FGGY: variants seen among roughly 807,000 people sequenced by gnomAD.
FGGY encodes FGGY carbohydrate kinase domain containing.
In FGGY, 72 loss-of-function variants were observed where a neutral mutation model predicts 71.3. That is an observed-to-expected ratio of 1.01 (90% CI 0.84 to 1.23). The LOEUF is 1.23. FGGY is among the 50% of genes most tolerant of loss of function. The pLI, the probability that FGGY is intolerant of heterozygous loss-of-function variation, is 0.00. For synonymous variants in FGGY, 251 were observed against 250.3 expected (o/e 1.00, Z -0.02); for missense variants, 668 against 682.3 (o/e 0.98, Z 0.23).
intron 14 of FGGY, among the ~76,000 whole-genome samples, chr1:59,716,731 G>A (rs2097848630): frequency 6.6e-6 from 1 of 152,288 alleles, no homozygotes; most frequent in African/African-American, 2.4e-5. Flanking sequence ...GGACAGGGGA[G>A]GGGAGGGCTC....
intron 14 of FGGY, among the ~76,000 whole-genome samples, chr1:59,690,525 T>G (rs927971356): frequency 1.3e-5 from 2 of 152,216 alleles, no homozygotes; most frequent in South Asian, 4.1e-4. Context: ...GGCCCACCTC[T>G]ACACGGCCCT....
chr1:59,339,973 A>T lies in FGGY; in HGVS notation c.217A>T (p.Ile73Phe). 6.2e-7 allele frequency: 1 copy of T among 1,611,272 alleles called. No individual in the cohort carries two copies. Among genetic ancestry groups the T allele is most frequent in the Non-Finnish European group, 8.5e-7 (1 of 1,178,148 alleles). The change falls in exon 3 of 16, where the codon ATT becomes TTT. Residue 73 changes from isoleucine to phenylalanine, a missense_variant. By Grantham distance (21) the Ile-to-Phe change is conservative. Coordinates refer to ENST00000303721, the MANE Select transcript of FGGY (RefSeq NM_018291.5). ...CVVTKKVVQG[I>F]DLNQIRGLGF... Reference sequence around the variant, plus strand: ...TTTAAAACAGAAAGTTGTACAAGGGATTGATTTAAACCAAATTCGAGGACT... The same window carrying T: ...TTTAAAACAGAAAGTTGTACAAGGGTTTGATTTAAACCAAATTCGAGGACT...
rs905471929 is a variant in FGGY at position 59,583,246 on chromosome 1, G to A, written c.904-24557G>A. On this transcript the variant is annotated intron_variant, in intron 8 of 15. Transcript: ENST00000303721. ...AGCTTCAATGAATGAAGTTCTCTTCGGCCCATCATCCTGCAAGAAACTGGT... is the reference window on the plus strand; with the variant it reads ...AGCTTCAATGAATGAAGTTCTCTTCAGCCCATCATCCTGCAAGAAACTGGT... Among the ~76,000 whole-genome samples the A allele has an allele frequency of 7.0e-5, 10 of 143,034 alleles. 2 individuals are homozygous for A. The highest frequency in any genetic ancestry group is 1.4e-4 in the African/African-American group (5 of 36,486). The allele number at this position is 143,034 out of a possible 152,430, so 93.8% of individuals were successfully genotyped here. A position where few individuals can be genotyped will look rare whatever the true frequency, so the allele number is the denominator to read the frequency against.
chr1:59,478,685 G>C (rs2093359886), intron 6 of FGGY, among the ~76,000 whole-genome samples: 1 of 152,138 alleles, frequency 6.6e-6, no homozygotes, highest in Non-Finnish European at 1.5e-5. Flanking sequence ...TCTATGCTAG[G>C]AAAAAAGGCT....
chr1:59,654,246 C>T (rs1034336615), intron 11 of FGGY, among the ~76,000 whole-genome samples: 3 of 152,178 alleles, frequency 2.0e-5, no homozygotes, highest in African/African-American at 2.4e-5. Context: ...CTCTTCCAAG[C>T]GGGTGATTAT....
At chr1:59,297,532 T>C (rs2042118312) in intron 1 of FGGY, among the ~76,000 whole-genome samples, 1 of 152,214 alleles carries the variant, frequency 6.6e-6, no homozygotes, top group African/African-American at 2.4e-5. Context: ...TATTTAAAGA[T>C]TGACAAGGGG....
chr1:59,380,157 G>A (rs2059227084), intron 5 of FGGY, among the ~76,000 whole-genome samples: 1 of 150,772 alleles, frequency 6.6e-6, no homozygotes, highest in Admixed American at 6.6e-5. Flanking sequence ...AGTATTCCAT[G>A]GTGTATATGT....
At chr1:59,498,168 G>A (rs1043733596) in intron 6 of FGGY, among the ~76,000 whole-genome samples, 5 of 152,038 alleles carry the variant, frequency 3.3e-5, no homozygotes, top group Admixed American at 6.6e-5. Flanking sequence ...ACCAGACACT[G>A]TACCAAGAAT....
intron 9 of FGGY, among the ~76,000 whole-genome samples, chr1:59,609,758 A>G (rs972936145): frequency 2.6e-5 from 4 of 152,246 alleles, no homozygotes; most frequent in African/African-American, 9.6e-5. Flanking sequence ...TTTATACATG[A>G]CTGCCTCAAA....
intron 5 of FGGY, among the ~76,000 whole-genome samples, chr1:59,399,078 C>T (rs768113462): frequency 1.3e-5 from 2 of 152,122 alleles, no homozygotes; most frequent in Admixed American, 1.3e-4. Context: ...AATTGGGCCT[C>T]TTTGTATCTC....
chr1:59,366,744 T>C (rs2056663005), intron 4 of FGGY, among the ~76,000 whole-genome samples: 1 of 152,150 alleles, frequency 6.6e-6, no homozygotes, highest in Non-Finnish European at 1.5e-5. Context: ...GTTTGTCATT[T>C]CAAGGTAGAT....
intron 7 of FGGY, among the ~76,000 whole-genome samples, chr1:59,533,481 A>G (rs568843599): frequency 6.6e-6 from 1 of 152,326 alleles, no homozygotes; most frequent in Admixed American, 6.5e-5. Flanking sequence ...GGGAAGCTCG[A>G]ACTGGGTGGA....
intron 6 of FGGY, among the ~76,000 whole-genome samples, chr1:59,478,755 A>G (rs904298931): frequency 6.6e-6 from 1 of 152,236 alleles, no homozygotes; most frequent in Non-Finnish European, 1.5e-5. Flanking sequence ...GATATGTGTG[A>G]GAGACTCTAG....
intron 14 of FGGY, among the ~76,000 whole-genome samples, chr1:59,707,651 A>G (rs1003322827): frequency 1.3e-5 from 2 of 152,194 alleles, no homozygotes; most frequent in Non-Finnish European, 2.9e-5. Flanking sequence ...TTCTGTTTGG[A>G]GATGAATGTT....
chr1:59,494,195 A>ATCT (rs2093965049), intron 6 of FGGY, among the ~76,000 whole-genome samples: 3 of 152,240 alleles, frequency 2.0e-5, no homozygotes, highest in Non-Finnish European at 4.4e-5. Flanking sequence ...TGGAGAAACC[A>ATCT]GACAGTAAGC....
In FGGY at chr1:59,630,842, A is replaced by G. The variant is rs568723125; in HGVS notation, c.1073+4793A>G. On this transcript the variant is annotated intron_variant, in intron 10 of 15. Transcript: ENST00000303721. ...GGATTTAAATCCCACCTCTTTTCAC[A>G]TAACTTCAAACCCACTTCCAGCTAC... 2.9e-4 allele frequency among the ~76,000 whole-genome samples: 44 copies of G among 152,218 alleles called. No individual in the cohort carries two copies. The South Asian group carries it at 8.7e-3, about 30-fold the overall frequency.
At chr1:59,617,428 T>A (rs1290154724) in intron 9 of FGGY, among the ~76,000 whole-genome samples, 1 of 152,158 alleles carries the variant, frequency 6.6e-6, no homozygotes. Flanking sequence ...AATCTTCATC[T>A]GGTTATCCTC....
At chr1:59,457,267 A>G (rs1204356530) in intron 6 of FGGY, among the ~76,000 whole-genome samples, 191 bp downstream of exon 6, 1 of 152,206 alleles carries the variant, frequency 6.6e-6, no homozygotes, top group African/African-American at 2.4e-5. Context: ...CTTAAGATTT[A>G]TATGAACTGA....
rs374982665 is a variant in FGGY, at chr1:59,607,789, A to G, written c.904-14A>G. 9.3e-6 allele frequency: 15 copies of G among 1,604,302 alleles called. No individual in the cohort carries two copies. Among genetic ancestry groups the G allele is most frequent in the African/African-American group, 2.7e-5 (2 of 74,638 alleles). On this transcript the variant is annotated splice_polypyrimidine_tract_variant and intron_variant, in intron 8 of 15. Coordinates refer to ENST00000303721, the MANE Select transcript of FGGY (RefSeq NM_018291.5). ...GAGTCAATGTTTTCACATATTTTCC[A>G]TCTTTCTTTCCAGATCAGCAAAGAC...
Sources: allele counts gnomAD v4.1 joint callset (sites outside exome capture counted in the v4.1 genomes callset), GRCh38; gene constraint gnomAD v4.1.1; transcripts MANE v1.5; gene names NCBI Gene and HGNC (gene_info 2026-07-23, HGNC 2026-07-21).